Variants in SERPINI2 observed in about 807,000 individuals in gnomAD.
SERPINI2 encodes serpin family I member 2.
In SERPINI2, 48 loss-of-function variants were observed where a neutral mutation model predicts 47.3. The ratio of observed to expected loss-of-function variants is 1.02; its 90% CI spans 0.81 to 1.29. SERPINI2 has a LOEUF of 1.29. Ranked by LOEUF, SERPINI2 falls within the 50% of genes most tolerant of loss-of-function variation. SERPINI2 has a pLI of 0.00. For synonymous variants in SERPINI2, 135 were observed against 149.3 expected (o/e 0.90, Z 0.70); for missense variants, 448 against 456.9 (o/e 0.98, Z 0.18).
At chr3:167,444,832 G>A (rs9860065) in intron 8 of SERPINI2, among the ~76,000 whole-genome samples, 29,058 of 151,978 alleles carry the variant, frequency 0.19, 4,122 homozygotes, top group African/African-American at 0.39. Context: ...TTGAACTTTT[G>A]CTGCTGTTTT....
intron 8 of SERPINI2, among the ~76,000 whole-genome samples, chr3:167,443,706 A>G (rs1749390670): frequency 6.6e-6 from 1 of 152,184 alleles, no homozygotes. Flanking sequence ...ACAATATCTT[A>G]AAATTTTAAA....
intron 8 of SERPINI2, among the ~76,000 whole-genome samples, chr3:167,443,896 G>A (rs1465219928): frequency 5.9e-5 from 9 of 152,112 alleles, no homozygotes; most frequent in African/African-American, 2.2e-4. Flanking sequence ...TTTAGAGGCA[G>A]ACTGAAGCAA....
chr3:167,449,408 T>TAA lies in SERPINI2; in HGVS notation c.965-8_965-7dup. ...AACATACACTTCAGATGAATCTGGTTAAAAAAAAATACACAAAAGTGTATT... is the reference window on the plus strand; with the variant it reads ...AACATACACTTCAGATGAATCTGGTTAAAAAAAAAAATACACAAAAGTGTATT... On this transcript the variant is annotated splice_polypyrimidine_tract_variant and splice_region_variant and intron_variant, in intron 6 of 8. Coordinates refer to ENST00000264677, the Ensembl canonical transcript of SERPINI2. The TAA allele has an allele frequency of 6.6e-7, 1 of 1,524,676 alleles. No individual in the cohort carries two copies. Among genetic ancestry groups the TAA allele is most frequent in the South Asian group, 1.2e-5 (1 of 85,760 alleles). The allele number at this position is 1,524,676 out of a possible 1,614,324, so 94.4% of individuals were successfully genotyped here.
chr3:167,471,883 A>G (rs752803176), intron 1 of SERPINI2, 39 bp from the exon 2 acceptor site: 2 of 1,515,354 alleles, frequency 1.3e-6, no homozygotes, highest in African/African-American at 1.4e-5. Context: ...TTTTCAAAAT[A>G]GAGTTTTCCA....
At chr3:167,443,619 C>T (rs1278320231) in intron 8 of SERPINI2, among the ~76,000 whole-genome samples, 2 of 152,106 alleles carry the variant, frequency 1.3e-5, no homozygotes, top group African/African-American at 4.8e-5. Flanking sequence ...AATGCTATGG[C>T]ATTAAAATGC....
At chr3:167,453,458 T>G (rs897859397) in intron 5 of SERPINI2, among the ~76,000 whole-genome samples, 1 of 152,138 alleles carries the variant, frequency 6.6e-6, no homozygotes, top group African/African-American at 2.4e-5. Context: ...GAGTCCACAG[T>G]CCTTGGAGAA....
intron 5 of SERPINI2, among the ~76,000 whole-genome samples, chr3:167,458,131 T>C (rs1259331583): frequency 6.6e-6 from 1 of 152,216 alleles, no homozygotes; most frequent in Non-Finnish European, 1.5e-5. Flanking sequence ...ATGAAGCCTT[T>C]GTTTACAATT....
At position 167,465,693 on chromosome 3, in the gene SERPINI2, G is replaced by T; in HGVS notation, c.479-20C>A. On this transcript the variant is annotated intron_variant, in intron 3 of 8. Transcript: ENST00000264677. ...TTTTTCCTAGGAAGTGGGTGGAGGA[G>T]GAGGTAAGAAGAAATGTGCAATAGT... The T allele has an allele frequency of 6.3e-7, 1 of 1,591,452 alleles. No individual in the cohort carries two copies. Among genetic ancestry groups the T allele is most frequent in the Non-Finnish European group, 8.5e-7 (1 of 1,171,458 alleles).
In SERPINI2 at chr3:167,448,657, G is replaced by A. The variant is rs191489264; in HGVS notation, c.1051+659C>T. Among the ~76,000 whole-genome samples, 343 of 152,198 alleles carry A rather than the reference G, an allele frequency of 2.3e-3. 1 individual carries two copies. The highest frequency in any genetic ancestry group is 7.9e-3 in the African/African-American group (328 of 41,518). On this transcript the variant is annotated intron_variant, in intron 7 of 8. Transcript: ENST00000264677. ...CCTGCCTCAGCCTCCCGAGTAGCTG[G>A]GACTACAGGCATCCGCCACCACGCC...
At chr3:167,470,277 C>T (rs2108173080) in intron 2 of SERPINI2, among the ~76,000 whole-genome samples, 1 of 152,250 alleles carries the variant, frequency 6.6e-6, no homozygotes, top group South Asian at 2.1e-4. Flanking sequence ...CAATTAACTT[C>T]ACTTCACTAT....
chr3:167,451,456 A>G (rs1004521038), intron 6 of SERPINI2, among the ~76,000 whole-genome samples: 27 of 152,360 alleles, frequency 1.8e-4, no homozygotes, highest in Admixed American at 1.6e-3. Flanking sequence ...ATAAGTAGAG[A>G]TAGCAGAGAA....
intron 5 of SERPINI2, among the ~76,000 whole-genome samples, chr3:167,457,196 C>T (rs555039273): frequency 2.6e-5 from 4 of 152,188 alleles, no homozygotes; most frequent in South Asian, 2.1e-4. Context: ...GTTTAAAGGC[C>T]GAGATTTCCA....
intron 8 of SERPINI2, among the ~76,000 whole-genome samples, chr3:167,442,424 G>A (rs998516253): frequency 3.3e-5 from 5 of 152,078 alleles, no homozygotes; most frequent in Admixed American, 1.3e-4. Context: ...CATGGAAAAA[G>A]CATTAATCCT....
At chr3:167,455,436 C>T (rs1749757336) in intron 5 of SERPINI2, among the ~76,000 whole-genome samples, 2 of 152,010 alleles carry the variant, frequency 1.3e-5, no homozygotes, top group Non-Finnish European at 2.9e-5. Flanking sequence ...CTTCCTTTCC[C>T]CTTATCCCCA....
intron 5 of SERPINI2, among the ~76,000 whole-genome samples, chr3:167,456,112 T>A (rs1749783084): frequency 1.3e-5 from 2 of 151,728 alleles, no homozygotes. Flanking sequence ...GTTATGTGAG[T>A]ACACAGTAAA....
intron 6 of SERPINI2, among the ~76,000 whole-genome samples, chr3:167,451,739 A>G (rs1051320306): frequency 1.3e-5 from 2 of 152,210 alleles, no homozygotes; most frequent in Non-Finnish European, 2.9e-5. Flanking sequence ...TTGCAGAACA[A>G]GTGGCTGTTT....
At chr3:167,448,534 T>G (rs924557330) in intron 7 of SERPINI2, among the ~76,000 whole-genome samples, 1 of 152,094 alleles carries the variant, frequency 6.6e-6, no homozygotes. Context: ...TTGTTTTGCT[T>G]TGTTTTGAGA....
intron 7 of SERPINI2, among the ~76,000 whole-genome samples, chr3:167,448,713 G>A (rs1399156691): frequency 2.6e-5 from 4 of 152,012 alleles, no homozygotes; most frequent in Admixed American, 6.6e-5. Flanking sequence ...TAGTAGAGAC[G>A]GGGTTTCACC....
At chr3:167,452,200 C>A (rs113980252) in intron 6 of SERPINI2, among the ~76,000 whole-genome samples, 7 of 152,232 alleles carry the variant, frequency 4.6e-5, no homozygotes, top group African/African-American at 1.7e-4. Context: ...GACAGACAAG[C>A]TTAGGCCCAT....
Sources: allele counts gnomAD v4.1 joint callset (sites outside exome capture counted in the v4.1 genomes callset), GRCh38; gene constraint gnomAD v4.1.1; transcripts MANE v1.5; gene names NCBI Gene and HGNC (gene_info 2026-07-23, HGNC 2026-07-21).